The following STAM2 variants were observed in gnomAD, a reference collection of about 807,000 sequenced individuals.
STAM2 encodes the protein signal transducing adapter molecule 2.
In STAM2, 51 loss-of-function variants were observed where a neutral mutation model predicts 65.6. The ratio of observed to expected loss-of-function variants is 0.78; its 90% CI spans 0.62 to 0.98. STAM2 has a LOEUF of 0.98. STAM2 is among the 50% of genes least tolerant of loss of function. STAM2 has a pLI of 0.00. For synonymous variants in STAM2, 198 were observed against 208.4 expected (o/e 0.95, Z 0.43); for missense variants, 584 against 617.8 (o/e 0.95, Z 0.58).
chr2:152,167,232 T>A (rs558192195), intron 1 of STAM2, among the ~76,000 whole-genome samples: 4 of 152,300 alleles, frequency 2.6e-5, no homozygotes, highest in Admixed American at 2.6e-4. Flanking sequence ...AAGGCCTCCC[T>A]GAATGCAACA....
At chr2:152,133,694 G>A (rs558192776) in intron 8 of STAM2, among the ~76,000 whole-genome samples, 33 of 152,154 alleles carry the variant, frequency 2.2e-4, no homozygotes, top group African/African-American at 7.5e-4. Context: ...TATGTGCCAG[G>A]CATTGTTCTA....
In STAM2 at chr2:152,148,205, A is replaced by G. The variant is rs370907892; in HGVS notation, c.201+20T>C. On this transcript the variant is annotated intron_variant, in intron 3 of 13. Coordinates refer to ENST00000263904, the MANE Select transcript of STAM2 (RefSeq NM_005843.6). Reference sequence around the variant, plus strand: ...ACACATTTAAAATTTGCGTCAAATAATAACATGCCTTGTACTCACAGTTAG... The same window carrying G: ...ACACATTTAAAATTTGCGTCAAATAGTAACATGCCTTGTACTCACAGTTAG... The G allele has an allele frequency of 5.0e-6, 8 of 1,601,940 alleles. No homozygotes were observed. The highest frequency in any genetic ancestry group is 1.3e-5 in the African/African-American group (1 of 74,452).
intron 7 of STAM2, among the ~76,000 whole-genome samples, chr2:152,143,321 CT>C (rs1194995362): frequency 6.6e-6 from 1 of 152,130 alleles, no homozygotes. Flanking sequence ...TCATGAATTT[CT>C]TTTAAAAGTA....
chr2:152,146,771 G>C (rs1689343322), intron 5 of STAM2, among the ~76,000 whole-genome samples: 1 of 152,118 alleles, frequency 6.6e-6, no homozygotes, highest in Non-Finnish European at 1.5e-5. Context: ...TATTAAGATA[G>C]ACAGTATGCA....
rs907942539 is a variant in STAM2 at position 152,116,843 on chromosome 2, T to C, written c.*3731A>G. 2.0e-5 allele frequency: 3 copies of C among 152,274 alleles called. No individual in the cohort carries two copies. The highest frequency in any genetic ancestry group is 7.2e-5 in the African/African-American group (3 of 41,474). The allele number at this position is 152,274 out of a possible 1,614,324, so 9.4% of individuals were successfully genotyped here. On this transcript the variant is annotated 3_prime_UTR_variant, in exon 14 of 14. Coordinates refer to ENST00000263904, the MANE Select transcript of STAM2 (RefSeq NM_005843.6). ...TTATTAGAGTATATTGTTACAACTC[T>C]TTCATCTTATTAGTTCTGCTGTTAA...
intron 13 of STAM2, among the ~76,000 whole-genome samples, chr2:152,122,849 T>G (rs1319161461): frequency 6.6e-6 from 1 of 151,972 alleles, no homozygotes; most frequent in Non-Finnish European, 1.5e-5. Context: ...GCAGATCCCT[T>G]GAGCTCAGGA....
chr2:152,140,148 CTT>C (rs1689218935), intron 7 of STAM2, among the ~76,000 whole-genome samples: 1 of 152,140 alleles, frequency 6.6e-6, no homozygotes, highest in Admixed American at 6.5e-5. Flanking sequence ...GAAGAGAACT[CTT>C]AACTCCACTG....
At chr2:152,126,516 C>A in intron 11 of STAM2, 137 bp from the exon 12 acceptor site, 1 of 494,192 alleles carries the variant, frequency 2.0e-6, no homozygotes, top group Middle Eastern at 5.9e-4. Context: ...AGAATATTCA[C>A]AAAGGGAAAC....
intron 11 of STAM2, among the ~76,000 whole-genome samples, chr2:152,130,774 G>A (rs1280558816): frequency 8.6e-5 from 13 of 151,200 alleles, no homozygotes; most frequent in Admixed American, 2.0e-4. Flanking sequence ...TGAGGTGAGC[G>A]GATCACGAGG....
chr2:152,118,897 C>T lies in STAM2; in HGVS notation c.*1677G>A, dbSNP rs2105523296. On this transcript the variant is annotated 3_prime_UTR_variant, in exon 14 of 14. Coordinates refer to ENST00000263904, the MANE Select transcript of STAM2 (RefSeq NM_005843.6). ...TCTGAAGTTAAGACAATGACATAAA[C>T]TGAGCTTTCAAATACTGCTAATTTT... 1 of 152,142 alleles carries T rather than the reference C, an allele frequency of 6.6e-6. No homozygotes were observed. The highest frequency in any genetic ancestry group is 1.5e-5 in the Non-Finnish European group (1 of 67,944). The allele number at this position is 152,142 out of a possible 1,614,324, so 9.4% of individuals were successfully genotyped here.
At position 152,120,538 on chromosome 2, in the gene STAM2, C is replaced by T; in HGVS notation, c.*36G>A. Reference sequence around the variant, plus strand: ...GGTATCACAAGGACTGAATAATACACTTATGAAGGCTTTCAAGAAAATGCT... The same window carrying T: ...GGTATCACAAGGACTGAATAATACATTTATGAAGGCTTTCAAGAAAATGCT... On this transcript the variant is annotated 3_prime_UTR_variant, in exon 14 of 14. Coordinates refer to ENST00000263904, the MANE Select transcript of STAM2 (RefSeq NM_005843.6). 2 of 1,586,808 alleles carry T rather than the reference C, an allele frequency of 1.3e-6. No individual in the cohort carries two copies. Among genetic ancestry groups the T allele is most frequent in the African/African-American group, 1.3e-5 (1 of 74,376 alleles).
At chr2:152,161,295 G>C (rs569309631) in intron 1 of STAM2, among the ~76,000 whole-genome samples, 34 of 150,782 alleles carry the variant, frequency 2.3e-4, no homozygotes, top group Non-Finnish European at 4.6e-4. Flanking sequence ...GATGCTTGAA[G>C]GCAGCATGCT....
Position 152,123,823 on chromosome 2 carries a change from A to G in STAM2, c.1292T>C (p.Leu431Pro). ...CACTGAGGAATTCACATTTGGAGGC[A>G]GAGATCTCAGTGGACCAATTTGATC... ...GPDQIGPLRSLPPNVNSSVTA... is the reference protein window; with the variant it reads ...GPDQIGPLRSPPPNVNSSVTA... The change falls in exon 13 of 14, where the codon CTG becomes CCG. Residue 431 changes from leucine (L) to proline (P), a missense_variant. Leu to Pro is a moderately conservative substitution (Grantham distance 98, BLOSUM62 -3). Coordinates refer to ENST00000263904, the MANE Select transcript of STAM2 (RefSeq NM_005843.6). The G allele has an allele frequency of 6.2e-7, 1 of 1,614,042 alleles. No homozygotes were observed. Among genetic ancestry groups the G allele is most frequent in the South Asian group, 1.1e-5 (1 of 91,078 alleles).
At chr2:152,124,082 A>G (rs1257179744) in intron 12 of STAM2, 147 bp from the exon 13 acceptor site, 1 of 653,248 alleles carries the variant, frequency 1.5e-6, no homozygotes, top group East Asian at 2.8e-5. Flanking sequence ...CTTAGAACTA[A>G]AAGTGGAGAG....
At chr2:152,126,194 A>G in intron 12 of STAM2, 32 bp downstream of exon 12, 1 of 1,538,236 alleles carries the variant, frequency 6.5e-7, no homozygotes, top group East Asian at 2.4e-5. Flanking sequence ...GTTGTTTATA[A>G]TTTAGAAAAT....
chr2:152,135,657 G>C, intron 7 of STAM2, 54 bp from the exon 8 acceptor site: 1 of 1,164,150 alleles, frequency 8.6e-7, no homozygotes, highest in Non-Finnish European at 1.2e-6. Context: ...AATACAATAA[G>C]CAAAGATGAA....
At chr2:152,160,862 CGGGA>C (rs1157211790) in intron 1 of STAM2, among the ~76,000 whole-genome samples, 8 of 147,346 alleles carry the variant, frequency 5.4e-5, no homozygotes, top group African/African-American at 2.0e-4. Context: ...CCGCCCCGTC[CGGGA>C]GGGAGGTGGG....
intron 1 of STAM2, among the ~76,000 whole-genome samples, chr2:152,156,293 T>C (rs2105556692): frequency 6.6e-6 from 1 of 152,328 alleles, no homozygotes; most frequent in South Asian, 2.1e-4. Flanking sequence ...ATATAAAATC[T>C]GAAGACTTCA....
chr2:152,140,831 C>T (rs1456053293), intron 7 of STAM2, among the ~76,000 whole-genome samples: 1 of 152,104 alleles, frequency 6.6e-6, no homozygotes, highest in Non-Finnish European at 1.5e-5. Context: ...TGAAATGGTA[C>T]ACAGAAAACA....
Sources: allele counts gnomAD v4.1 joint callset (sites outside exome capture counted in the v4.1 genomes callset), GRCh38; gene constraint gnomAD v4.1.1; transcripts MANE v1.5; gene names NCBI Gene and HGNC (gene_info 2026-07-23, HGNC 2026-07-21).